Variants in PTPRT observed in about 807,000 individuals in gnomAD.
PTPRT encodes the protein receptor-type tyrosine-protein phosphatase T.
In PTPRT, 56 loss-of-function variants were observed where a neutral mutation model predicts 176.8. The observed-to-expected ratio is 0.32, with a 90% CI of 0.26 to 0.40. The LOEUF (loss-of-function observed/expected upper bound fraction) is 0.40. PTPRT is among the 10% of genes least tolerant of loss of function. The pLI, the probability that PTPRT is intolerant of heterozygous loss-of-function variation, is 1.00. For missense variants in PTPRT, 1,540 were observed against 1,908.2 expected (o/e 0.81, Z 3.60); for synonymous variants, 783 against 739.0 (o/e 1.06, Z -0.96).
intron 18 of PTPRT, among the ~76,000 whole-genome samples, chr20:42,136,482 C>T (rs1988385319): frequency 6.6e-6 from 1 of 152,110 alleles, no homozygotes; most frequent in Non-Finnish European, 1.5e-5. Context: ...GATGCAGAGA[C>T]AGCCCGACAT....
intron 9 of PTPRT, among the ~76,000 whole-genome samples, chr20:42,387,873 C>G (rs1245248786): frequency 6.6e-6 from 1 of 150,956 alleles, no homozygotes; most frequent in African/African-American, 2.4e-5. Flanking sequence ...CTCACTGAAA[C>G]CCCTACCTCC....
At chr20:42,522,402 C>T (rs962334100) in intron 7 of PTPRT, among the ~76,000 whole-genome samples, 6 of 151,736 alleles carry the variant, frequency 4.0e-5, no homozygotes. Context: ...TGAAATAGTT[C>T]TCATCTGACT....
intron 13 of PTPRT, among the ~76,000 whole-genome samples, chr20:42,273,388 TA>T (rs2056973054): frequency 1.3e-5 from 2 of 152,308 alleles, no homozygotes; most frequent in African/African-American, 2.4e-5. Flanking sequence ...GCTAATTTTG[TA>T]TTTTTAGTGG....
At chr20:42,414,900 T>C (rs889353058) in intron 9 of PTPRT, among the ~76,000 whole-genome samples, 5 of 152,100 alleles carry the variant, frequency 3.3e-5, no homozygotes, top group Non-Finnish European at 5.9e-5. Context: ...TCTGGAAAAA[T>C]AAGTGTGTGA....
intron 1 of PTPRT, among the ~76,000 whole-genome samples, chr20:42,976,552 C>G (rs1475436046): frequency 1.3e-5 from 2 of 152,008 alleles, no homozygotes; most frequent in Non-Finnish European, 2.9e-5. Context: ...ATTATAGGCA[C>G]CCACCACCAC....
chr20:42,901,276 C>T (rs1388043058), intron 1 of PTPRT, among the ~76,000 whole-genome samples: 2 of 152,080 alleles, frequency 1.3e-5, no homozygotes, highest in African/African-American at 4.8e-5. Flanking sequence ...GGTCTGTCCA[C>T]CCCAAAAGTA....
chr20:42,828,275 G>C (rs6124497), intron 2 of PTPRT, among the ~76,000 whole-genome samples: 1 of 152,248 alleles, frequency 6.6e-6, no homozygotes, highest in East Asian at 1.9e-4. Context: ...TTTTGCCCCT[G>C]CCCTAGAGAT....
At chr20:42,105,660 G>C (rs187385064) in intron 24 of PTPRT, among the ~76,000 whole-genome samples, 1 of 152,188 alleles carries the variant, frequency 6.6e-6, no homozygotes, top group Non-Finnish European at 1.5e-5. Flanking sequence ...ACTGCAACCA[G>C]CAAGCCTGGC....
At chr20:42,401,376 T>C (rs183028991) in intron 9 of PTPRT, among the ~76,000 whole-genome samples, 1 of 152,132 alleles carries the variant, frequency 6.6e-6, no homozygotes, top group East Asian at 1.9e-4. Context: ...CGGAGTTAGG[T>C]AGTGGAAAAA....
intron 1 of PTPRT, among the ~76,000 whole-genome samples, chr20:43,034,341 A>C (rs955144785): frequency 7.2e-5 from 11 of 152,110 alleles, no homozygotes; most frequent in Admixed American, 1.3e-4. Context: ...GATGGCTGAA[A>C]CTAACCAGGA....
Position 42,266,647 on chromosome 20 carries a change from G to A in PTPRT, c.2176+15842C>T, listed in dbSNP as rs371485850. ...ACCCACTAGGTGACTATAGCCCCTC[G>A]CACCCAGCTGTGACAACCAAATACA... On this transcript the variant is annotated intron_variant, in intron 13 of 30. Coordinates refer to ENST00000373187, the MANE Select transcript of PTPRT (RefSeq NM_007050.6). Among the ~76,000 whole-genome samples the A allele has an allele frequency of 3.6e-4, 55 of 152,140 alleles. 2 individuals carry two copies. The South Asian group carries it at 0.01, about 28-fold the overall frequency.
intron 12 of PTPRT, among the ~76,000 whole-genome samples, chr20:42,314,436 G>A (rs1568765882): frequency 6.6e-6 from 1 of 151,224 alleles, no homozygotes; most frequent in African/African-American, 2.4e-5. Context: ...GGCTGAGGCA[G>A]GAGAAGAGCG....
chr20:42,073,779 T>C lies in PTPRT; in HGVS notation c.*7100A>G, dbSNP rs190600803. The C allele has an allele frequency of 1.1e-3, 240 of 223,632 alleles. No individual in the cohort carries two copies. The highest frequency in any genetic ancestry group is 5.0e-3 in the African/African-American group (226 of 44,904). 13.9% of individuals were successfully genotyped at this position (223,632 alleles called of 1,614,324 possible). On this transcript the variant is annotated 3_prime_UTR_variant, in exon 31 of 31. Transcript: ENST00000373187. ...CCTGTACAGACCAAACACAATCTAC[T>C]TGGATTCGTGCTCTACAGGTATGAA...
intron 1 of PTPRT, among the ~76,000 whole-genome samples, chr20:43,033,118 T>C (rs1248859515): frequency 1.3e-5 from 2 of 152,202 alleles, no homozygotes; most frequent in Non-Finnish European, 2.9e-5. Flanking sequence ...TGGATACATC[T>C]TTTACGTTGT....
rs1263529561 is a variant in PTPRT, at chr20:42,762,952, G to A, written c.685-6316C>T. On this transcript the variant is annotated intron_variant, in intron 5 of 30. Transcript: ENST00000373187. ...CCCTTGGCTTACTTTGTTTTATGTG[G>A]ATAAGTCGGCTTGGTTTGAGAGCAC... Among the ~76,000 whole-genome samples, 106 of 152,218 alleles carry A rather than the reference G, an allele frequency of 7.0e-4. 2 individuals carry two copies. Among genetic ancestry groups the A allele is most frequent in the Non-Finnish European group, 7.4e-5 (5 of 68,024 alleles).
At position 42,696,460 on chromosome 20, in the gene PTPRT, T is replaced by TA. The variant is rs1555900881; in HGVS notation, c.860-18302_860-18301insT. 3.0e-4 allele frequency among the ~76,000 whole-genome samples: 28 copies of TA among 91,890 alleles called. No individual in the cohort carries two copies. The East Asian group carries it at 5.7e-3, about 19-fold the overall frequency. 60.3% of individuals were successfully genotyped at this position (91,890 alleles called of 152,430 possible). A position where few individuals can be genotyped will look rare whatever the true frequency, so the allele number is the denominator to read the frequency against. ...GCCTTCCAATAGCCACATGAATTATTTTTTTTTTTTTTTGAGACAGAGCCT... is the reference window on the plus strand; with the variant it reads ...GCCTTCCAATAGCCACATGAATTATTATTTTTTTTTTTTTGAGACAGAGCCT... On this transcript the variant is annotated intron_variant, in intron 6 of 30. Coordinates refer to ENST00000373187, the MANE Select transcript of PTPRT (RefSeq NM_007050.6).
chr20:42,125,500 G>T (rs915646494), intron 19 of PTPRT, among the ~76,000 whole-genome samples: 13 of 152,172 alleles, frequency 8.5e-5, no homozygotes, highest in African/African-American at 2.2e-4. Context: ...GAGGCCATTT[G>T]CCCTGTCTGC....
intron 1 of PTPRT, among the ~76,000 whole-genome samples, chr20:42,960,929 G>C (rs1981951379): frequency 6.6e-6 from 1 of 152,154 alleles, no homozygotes; most frequent in Non-Finnish European, 1.5e-5. Context: ...AAGATATTTT[G>C]TAAATTAAAT....
intron 2 of PTPRT, among the ~76,000 whole-genome samples, chr20:42,881,410 C>T (rs537794366): frequency 6.8e-4 from 104 of 152,214 alleles, no homozygotes; most frequent in African/African-American, 2.2e-3. Context: ...CTTGAGGAGT[C>T]CTGTGAGCTG....
Sources: allele counts gnomAD v4.1 joint callset (sites outside exome capture counted in the v4.1 genomes callset), GRCh38; gene constraint gnomAD v4.1.1; transcripts MANE v1.5; gene names NCBI Gene and HGNC (gene_info 2026-07-23, HGNC 2026-07-21).